SEMA6D: variants seen among roughly 807,000 people sequenced by gnomAD.
SEMA6D encodes semaphorin 6D.
Under a neutral mutation model 106.6 loss-of-function variants are expected in SEMA6D, and 35 were observed. The observed-to-expected ratio is 0.33, with a 90% CI of 0.25 to 0.44. The LOEUF (loss-of-function observed/expected upper bound fraction) is 0.44, where lower values mean the gene tolerates loss of function less well. SEMA6D is among the 20% of genes least tolerant of loss of function. The pLI is 1.00. For synonymous variants in SEMA6D, 499 were observed against 487.7 expected, an observed-to-expected ratio of 1.02 and a Z score of -0.31; for missense variants, 1,185 against 1,345.9, an observed-to-expected ratio of 0.88 and a Z score of 1.87.
chr15:47,438,550 C>T (rs2041791410), intron 2 of SEMA6D, among the ~76,000 whole-genome samples: 1 of 152,020 alleles, frequency 6.6e-6, no homozygotes, highest in Non-Finnish European at 1.5e-5. Context: ...CACTATGCTA[C>T]AGATCATTAG....
At chr15:47,187,080 TC>T (rs34904967) in intron 1 of SEMA6D, among the ~76,000 whole-genome samples, 1 of 152,196 alleles carries the variant, frequency 6.6e-6, no homozygotes, top group Non-Finnish European at 1.5e-5. Context: ...AGTTTACTCT[TC>T]CACATGAAGA....
chr15:47,252,323 G>A (rs976768562), intron 1 of SEMA6D, among the ~76,000 whole-genome samples: 3 of 152,098 alleles, frequency 2.0e-5, no homozygotes, highest in Admixed American at 2.0e-4. Context: ...TTCAATACAT[G>A]TGGACATTGT....
At chr15:47,453,607 G>A (rs543913627) in intron 2 of SEMA6D, among the ~76,000 whole-genome samples, 11 of 152,034 alleles carry the variant, frequency 7.2e-5, no homozygotes, top group East Asian at 5.8e-4. Context: ...GTAACAGCAC[G>A]TCTGCAAGTT....
At chr15:47,278,753 C>CCTAG (rs2034960112) in intron 1 of SEMA6D, among the ~76,000 whole-genome samples, 1 of 150,126 alleles carries the variant, frequency 6.7e-6, no homozygotes, top group Non-Finnish European at 1.5e-5. Flanking sequence ...TTAGGTCTAA[C>CCTAG]GTTTAAGTCT....
At chr15:47,509,422 C>G (rs1477288472) in intron 3 of SEMA6D, among the ~76,000 whole-genome samples, 2 of 152,174 alleles carry the variant, frequency 1.3e-5, no homozygotes, top group Non-Finnish European at 2.9e-5. Flanking sequence ...ATCAAACCCT[C>G]TAGTCCATTC....
At chr15:47,664,990 T>TG (rs1286765821) in intron 4 of SEMA6D, among the ~76,000 whole-genome samples, 8 of 151,890 alleles carry the variant, frequency 5.3e-5, no homozygotes, top group South Asian at 2.1e-4. Flanking sequence ...TTAATGGAGG[T>TG]GGGGGGGCGT....
chr15:47,714,967 A>G (rs1254017915), upstream of SEMA6D, among the ~76,000 whole-genome samples: 1 of 152,184 alleles, frequency 6.6e-6, no homozygotes, highest in Admixed American at 6.5e-5. Context: ...TGGGGAAGAC[A>G]TGCTAAATCG....
rs777824932 is a variant in SEMA6D, at chr15:47,770,634, G to A, written c.2071G>A (p.Val691Ile). Reference protein sequence around the residue: ...VAVYCYRDMFVRKNRKIHKDA... With the variant: ...VAVYCYRDMFIRKNRKIHKDA... Reference sequence around the variant, plus strand: ...AGTATACTGCTATCGAGACATGTTTGTTCGGAAAAACAGAAAGATCCATAA... The same window carrying A: ...AGTATACTGCTATCGAGACATGTTTATTCGGAAAAACAGAAAGATCCATAA... The change falls in exon 19 of 19, where the codon GTT becomes ATT. Residue 691 changes from valine (V) to isoleucine (I), a missense_variant. By Grantham distance (29) the Val-to-Ile change is conservative (BLOSUM62 3). Around this residue, in one of 3 missense-constraint regions of SEMA6D, gnomAD observed 750 missense variants for 783.5 expected, o/e 0.96. Transcript: ENST00000536845. The A allele has an allele frequency of 6.2e-7, 1 of 1,614,038 alleles. No homozygotes were observed. Among genetic ancestry groups the A allele is most frequent in the Non-Finnish European group, 8.5e-7 (1 of 1,179,962 alleles).
chr15:47,698,227 A>G (rs1391153926), intron 4 of SEMA6D, among the ~76,000 whole-genome samples: 1 of 152,224 alleles, frequency 6.6e-6, no homozygotes, highest in Non-Finnish European at 1.5e-5. Context: ...AGGAATGGTC[A>G]ATAAACAATG....
At position 47,764,236 on chromosome 15, in the gene SEMA6D, G is replaced by T. The variant is rs145073310; in HGVS notation, c.1028G>T (p.Arg343Leu). 14 of 1,613,648 alleles carry T rather than the reference G, an allele frequency of 8.7e-6. No homozygotes were observed. The African/African-American group carries it at 1.2e-4, about 14-fold the overall frequency. ...MDDIEKVFKG[R>L]FKEQKTPDSV... ...GACATTGAAAAAGTATTCAAAGGAC[G>T]GTTTAAGGAACAGAAAACTCCAGAT... Residue 343 changes from arginine to leucine, a missense_variant, in exon 11 of 19, where the codon CGG becomes CTG. Physicochemically the swap from Arg to Leu is moderately radical, Grantham distance 102. Coordinates refer to ENST00000536845, the MANE Select transcript of SEMA6D (RefSeq NM_001358351.3).
intron 9 of SEMA6D, among the ~76,000 whole-genome samples, chr15:47,763,470 T>A (rs2082172494): frequency 6.6e-6 from 1 of 152,184 alleles, no homozygotes; most frequent in Non-Finnish European, 1.5e-5. Flanking sequence ...CCATTCAATT[T>A]TTAGTGTTTC....
chr15:47,504,173 G>A (rs545361579), intron 3 of SEMA6D, among the ~76,000 whole-genome samples: 79 of 152,304 alleles, frequency 5.2e-4, no homozygotes, highest in African/African-American at 1.8e-3. Flanking sequence ...CAAAGGGTTT[G>A]AAATAGGGGC....
chr15:47,325,251 G>C (rs2037084381), intron 1 of SEMA6D, among the ~76,000 whole-genome samples: 1 of 151,680 alleles, frequency 6.6e-6, no homozygotes, highest in Admixed American at 6.6e-5. Context: ...TCGGCTCACT[G>C]CAACCTCCAC....
chr15:47,770,121 G>A (rs1351105644), intron 18 of SEMA6D, among the ~76,000 whole-genome samples: 4 of 152,152 alleles, frequency 2.6e-5, no homozygotes, highest in African/African-American at 9.7e-5. Context: ...CCTGAATTAA[G>A]AGAAAATTAT....
At chr15:47,422,167 C>CTGCCT (rs1567068351) in intron 2 of SEMA6D, among the ~76,000 whole-genome samples, 3 of 64,396 alleles carry the variant, frequency 4.7e-5, no homozygotes, top group African/African-American at 1.3e-4. Flanking sequence ...ATTTTTTGCC[C>CTGCCT]GCCCGCCTGC....
intron 6 of SEMA6D, 81 bp downstream of exon 6, chr15:47,761,512 TG>T: frequency 7.6e-7 from 1 of 1,318,730 alleles, no homozygotes; most frequent in Non-Finnish European, 1.1e-6. Context: ...GAAATCTTTC[TG>T]CTTTCCAGTA....
intron 1 of SEMA6D, among the ~76,000 whole-genome samples, chr15:47,197,912 AC>A (rs1286346627): frequency 1.3e-5 from 2 of 152,102 alleles, no homozygotes; most frequent in South Asian, 2.1e-4. Flanking sequence ...ATATTTGTAA[AC>A]TAATAATAAT....
At chr15:47,439,070 G>A (rs1197731951) in intron 2 of SEMA6D, among the ~76,000 whole-genome samples, 1 of 151,994 alleles carries the variant, frequency 6.6e-6, no homozygotes, top group Non-Finnish European at 1.5e-5. Flanking sequence ...AGTCATCTGG[G>A]AACCATAGCT....
At chr15:47,502,212 A>G (rs756948673) in intron 3 of SEMA6D, among the ~76,000 whole-genome samples, 13 of 152,322 alleles carry the variant, frequency 8.5e-5, no homozygotes, top group Middle Eastern at 6.8e-3. Flanking sequence ...CTGTTCCCAA[A>G]ATACATTTTT....
Sources: gnomAD v4.1 joint callset for allele counts (sites outside exome capture counted in the v4.1 genomes callset) on GRCh38, gnomAD v4.1.1 for gene constraint, gnomAD v4.1.1 regional missense constraint, MANE v1.5 for transcripts, NCBI Gene and HGNC (gene_info 2026-07-23, HGNC 2026-07-21) for gene names.